OCIAD1: variants seen among roughly 807,000 people sequenced by gnomAD.
OCIAD1 encodes the protein OCIA domain containing 1.
OCIAD1 carries 29 observed loss-of-function variants against 38.9 expected under a neutral mutation model. The observed-to-expected ratio is 0.74, with a 90% CI of 0.55 to 1.02. The LOEUF (loss-of-function observed/expected upper bound fraction) is 1.02. Ranked by LOEUF, OCIAD1 falls within the 50% of genes least tolerant of loss-of-function variation. The pLI is 0.00. For missense variants in OCIAD1, 288 were observed against 289.6 expected, an observed-to-expected ratio of 0.99 and a Z score of 0.04; for synonymous variants, 110 against 92.0, an observed-to-expected ratio of 1.20 and a Z score of -1.12.
At chr4:48,822,738 C>T (rs1777206253) in intron 1 of OCIAD1, among the ~76,000 whole-genome samples, 1 of 152,176 alleles carries the variant, frequency 6.6e-6, no homozygotes, top group African/African-American at 2.4e-5. Context: ...AGGATACGAA[C>T]AGACACTTCT....
At chr4:48,828,446 C>G (rs1224047050), upstream of OCIAD1, among the ~76,000 whole-genome samples, 1 of 152,216 alleles carries the variant, frequency 6.6e-6, no homozygotes, top group Non-Finnish European at 1.5e-5. Context: ...CGGCAACCCA[C>G]TCAGGTCCCC....
intron 1 of OCIAD1, among the ~76,000 whole-genome samples, chr4:48,823,397 G>A (rs1289858958): frequency 1.3e-5 from 2 of 151,844 alleles, no homozygotes; most frequent in Admixed American, 6.6e-5. Flanking sequence ...TTGGTGGGGG[G>A]GTAGGGGGCA....
chr4:48,830,228 A>G (rs1242050118), upstream of OCIAD1, among the ~76,000 whole-genome samples: 1 of 152,222 alleles, frequency 6.6e-6, no homozygotes, highest in African/African-American at 2.4e-5. Flanking sequence ...GGAAGGAAAC[A>G]CAGCGTTGGA....
chr4:48,847,153 A>G (rs1779044653), intron 4 of OCIAD1, among the ~76,000 whole-genome samples: 1 of 152,234 alleles, frequency 6.6e-6, no homozygotes, highest in South Asian at 2.1e-4. Context: ...AAACACTAAT[A>G]TTGATTGCAT....
chr4:48,836,035 C>T (rs1207364685), intron 3 of OCIAD1, among the ~76,000 whole-genome samples: 1 of 151,964 alleles, frequency 6.6e-6, no homozygotes, highest in African/African-American at 2.4e-5. Context: ...AAGGTTTGAT[C>T]CATTATATCG....
At chr4:48,827,023 T>C (rs1777258317), upstream of OCIAD1, among the ~76,000 whole-genome samples, 1 of 152,244 alleles carries the variant, frequency 6.6e-6, no homozygotes, top group Non-Finnish European at 1.5e-5. Flanking sequence ...TTGGCTTCTA[T>C]GACACTACAT....
intron 1 of OCIAD1, among the ~76,000 whole-genome samples, chr4:48,809,702 C>A (rs534366929): frequency 1.3e-5 from 2 of 152,220 alleles, no homozygotes; most frequent in Admixed American, 1.3e-4. Context: ...CCAAGCACCC[C>A]ACTCTTTCAC....
chr4:48,821,104 A>G (rs1254881013), intron 1 of OCIAD1, among the ~76,000 whole-genome samples: 1 of 152,218 alleles, frequency 6.6e-6, no homozygotes, highest in African/African-American at 2.4e-5. Context: ...CAAAAAAAGA[A>G]AATTTCTGGC....
intron 7 of OCIAD1, chr4:48,852,219 T>G (rs1173212035): frequency 2.7e-6 from 1 of 373,520 alleles, no homozygotes; most frequent in Non-Finnish European, 4.8e-6. Flanking sequence ...CCTGAAAAAC[T>G]TTCAGTCTGT....
intron 4 of OCIAD1, among the ~76,000 whole-genome samples, chr4:48,846,207 A>G (rs1778964217): frequency 6.6e-6 from 1 of 152,190 alleles, no homozygotes. Flanking sequence ...AAAAATAGAG[A>G]TGTTCTTACC....
At chr4:48,856,932 T>C (rs1780090889) in intron 7 of OCIAD1, 1 of 187,562 alleles carries the variant, frequency 5.3e-6, no homozygotes, top group Admixed American at 6.0e-5. Flanking sequence ...TACTGTTATA[T>C]ATTATGATAC....
In OCIAD1 at chr4:48,833,524, G is replaced by A. The variant is rs763239594; in HGVS notation, c.139+43G>A. On this transcript the variant is annotated intron_variant, in intron 3 of 8. Coordinates refer to ENST00000264312, the MANE Select transcript of OCIAD1 (RefSeq NM_017830.4). The stretch of plus-strand genomic sequence containing the variant: ...ATTAATATAATTTGATCCAAAATTT[G>A]TACCTGAAATTTTGACTTGAATTTG... The A allele has an allele frequency of 7.9e-6, 10 of 1,266,406 alleles. No individual in the cohort carries two copies. In the South Asian group the frequency reaches 1.3e-4, roughly 16 times the overall value. The allele number at this position is 1,266,406 out of a possible 1,614,324, so 78.4% of individuals were successfully genotyped here.
chr4:48,823,865 C>G (rs1249995249), intron 1 of OCIAD1, among the ~76,000 whole-genome samples: 2 of 108,848 alleles, frequency 1.8e-5, no homozygotes, highest in African/African-American at 7.1e-5. Flanking sequence ...TGGAGTCTTG[C>G]TATGTTGCTC....
upstream of OCIAD1, among the ~76,000 whole-genome samples, chr4:48,828,823 C>T (rs935949450): frequency 6.6e-6 from 1 of 152,202 alleles, no homozygotes; most frequent in Non-Finnish European, 1.5e-5. Flanking sequence ...CCGTGAGGGT[C>T]CGCAGCTTCA....
At chr4:48,836,097 G>T (rs961810605) in intron 3 of OCIAD1, among the ~76,000 whole-genome samples, 2 of 152,082 alleles carry the variant, frequency 1.3e-5, no homozygotes, top group African/African-American at 4.8e-5. Context: ...TTTAAGGAAG[G>T]TTAGTTAACA....
chr4:48,818,207 GA>G (rs1023845722), intron 1 of OCIAD1, among the ~76,000 whole-genome samples: 25 of 152,304 alleles, frequency 1.6e-4, no homozygotes, highest in African/African-American at 5.5e-4. Context: ...CCTCTGGGAC[GA>G]AACTTCCAGA....
intron 1 of OCIAD1, among the ~76,000 whole-genome samples, chr4:48,820,297 G>A (rs1057184179): frequency 9.9e-5 from 15 of 152,168 alleles, no homozygotes. Context: ...CCTCCTGAAT[G>A]AGTACTGGGT....
At chr4:48,831,382 C>G (rs964989097) in intron 1 of OCIAD1, 133 bp downstream of exon 1, 1 of 726,624 alleles carries the variant, frequency 1.4e-6, no homozygotes, top group Admixed American at 2.4e-5. Flanking sequence ...GCTCGGGTCT[C>G]GGCCTCCTGA....
At chr4:48,843,857 TGGAGCTA>T (rs1778747312) in intron 4 of OCIAD1, among the ~76,000 whole-genome samples, 1 of 152,254 alleles carries the variant, frequency 6.6e-6, no homozygotes, top group Admixed American at 6.5e-5. Context: ...TAATAATGAT[TGGAGCTA>T]GGTATGCAGA....
Sources: allele counts gnomAD v4.1 joint callset (sites outside exome capture counted in the v4.1 genomes callset), GRCh38; gene constraint gnomAD v4.1.1; transcripts MANE v1.5; gene names NCBI Gene and HGNC (gene_info 2026-07-23, HGNC 2026-07-21).